Variants in CACNA1C observed in about 807,000 individuals in gnomAD.
CACNA1C encodes the protein voltage-dependent L-type calcium channel subunit alpha-1C.
A neutral mutation model predicts 229.0 loss-of-function variants in CACNA1C; 30 were observed. The observed-to-expected ratio is 0.13, with a 90% CI of 0.10 to 0.18. The LOEUF is 0.18. CACNA1C is among the 10% of genes least tolerant of loss of function. The pLI is 1.00. For synonymous variants in CACNA1C, 1,114 were observed against 1,132.5 expected (o/e 0.98, Z 0.33); for missense variants, 1,658 against 2,845.0 (o/e 0.58, Z 9.49).
chr12:2,123,265 A>G (rs978024528), intron 3 of CACNA1C, among the ~76,000 whole-genome samples: 6 of 150,954 alleles, frequency 4.0e-5, no homozygotes, highest in Non-Finnish European at 7.4e-5. Context: ...AGTCCCAGCT[A>G]CTCAGGAGGC....
intron 1 of CACNA1C, among the ~76,000 whole-genome samples, chr12:2,032,184 TC>T (rs1273950633): frequency 1.3e-5 from 2 of 152,024 alleles, no homozygotes; most frequent in Non-Finnish European, 2.9e-5. Flanking sequence ...TTGGAGGAGT[TC>T]CTGTGGTCCC....
chr12:2,509,678 A>G (rs2099779323), intron 8 of CACNA1C, among the ~76,000 whole-genome samples: 1 of 152,164 alleles, frequency 6.6e-6, no homozygotes, highest in Non-Finnish European at 1.5e-5. Context: ...CTTCAGCATT[A>G]TGCTTGGGGC....
At chr12:1,988,084 T>C (rs951893382) in intron 1 of CACNA1C, among the ~76,000 whole-genome samples, 1 of 152,170 alleles carries the variant, frequency 6.6e-6, no homozygotes, top group South Asian at 2.1e-4. Flanking sequence ...CTCTGGGAGA[T>C]TCCCTTCTTC....
intron 1 of CACNA1C, among the ~76,000 whole-genome samples, chr12:2,110,052 GA>G (rs889499694): frequency 1.3e-4 from 20 of 151,418 alleles, no homozygotes; most frequent in Admixed American, 3.9e-4. Flanking sequence ...ATGGATTAAA[GA>G]AAAAAAAATT....
chr12:2,655,299 G>T, intron 34 of CACNA1C, 61 bp downstream of exon 34: 1 of 1,038,398 alleles, frequency 9.6e-7, no homozygotes, highest in Non-Finnish European at 1.5e-6. Context: ...CCACACTGTG[G>T]CCTGGTGGTA....
chr12:2,012,390 C>A (rs2044596543), intron 1 of CACNA1C, among the ~76,000 whole-genome samples: 1 of 152,226 alleles, frequency 6.6e-6, no homozygotes, highest in Non-Finnish European at 1.5e-5. Flanking sequence ...CACAGCCATG[C>A]TCACTGGATT....
At chr12:2,577,291 A>G (rs1219515147) in intron 13 of CACNA1C, among the ~76,000 whole-genome samples, 2 of 152,296 alleles carry the variant, frequency 1.3e-5, no homozygotes, top group African/African-American at 4.8e-5. Flanking sequence ...GGCTGGTGCC[A>G]ATTCATCTTT....
At chr12:2,589,792 T>G (rs112699940) in intron 18 of CACNA1C, among the ~76,000 whole-genome samples, 3 of 145,186 alleles carry the variant, frequency 2.1e-5, no homozygotes, top group Non-Finnish European at 3.2e-5. Flanking sequence ...GATGGCAGCT[T>G]GGACAGGGGA....
At chr12:2,404,652 G>C (rs2098715945) in intron 3 of CACNA1C, among the ~76,000 whole-genome samples, 1 of 152,106 alleles carries the variant, frequency 6.6e-6, no homozygotes, top group Admixed American at 6.6e-5. Flanking sequence ...GATGCATGGG[G>C]GGCCCTGGGT....
At chr12:2,562,345 T>C (rs1277798402) in intron 11 of CACNA1C, among the ~76,000 whole-genome samples, 1 of 152,250 alleles carries the variant, frequency 6.6e-6, no homozygotes, top group Non-Finnish European at 1.5e-5. Context: ...CCTTGGACTC[T>C]GAATAACAAT....
At position 2,356,485 on chromosome 12, in the gene CACNA1C, T is replaced by C. The variant is rs145208538; in HGVS notation, c.478-92491T>C. 8.1e-3 allele frequency among the ~76,000 whole-genome samples: 1,235 copies of C among 152,314 alleles called. 30 individuals carry two copies. Among genetic ancestry groups the C allele is most frequent in the African/African-American group, 0.028 (1,171 of 41,574 alleles). The stretch of plus-strand genomic sequence containing the variant: ...AGAAGATGCTCCCATCTGAACTGTA[T>C]GCCCAGGAAAGGGGGCAGGCAGGCG... On this transcript the variant is annotated intron_variant, in intron 3 of 46. Transcript: ENST00000399655.
chr12:2,187,592 C>T (rs1158714394), intron 3 of CACNA1C, among the ~76,000 whole-genome samples: 1 of 152,218 alleles, frequency 6.6e-6, no homozygotes, highest in Non-Finnish European at 1.5e-5. Context: ...AAAGCTGATT[C>T]TTCCAGGCAA....
At chr12:2,680,084 G>A (rs2153806141) in intron 42 of CACNA1C, among the ~76,000 whole-genome samples, 1 of 152,320 alleles carries the variant, frequency 6.6e-6, no homozygotes, top group East Asian at 1.9e-4. Context: ...GTGATCATCA[G>A]ATGTTTGTGT....
At chr12:2,359,959 G>C (rs2097509251) in intron 3 of CACNA1C, among the ~76,000 whole-genome samples, 1 of 152,074 alleles carries the variant, frequency 6.6e-6, no homozygotes, top group African/African-American at 2.4e-5. Context: ...GACGGTGGTA[G>C]GGATTTCTGT....
chr12:2,150,262 C>T (rs1484659057), intron 3 of CACNA1C, among the ~76,000 whole-genome samples: 1 of 152,172 alleles, frequency 6.6e-6, no homozygotes, highest in Admixed American at 6.5e-5. Flanking sequence ...GGGTCTTGTC[C>T]TTGGTCTCTA....
intron 1 of CACNA1C, among the ~76,000 whole-genome samples, chr12:2,112,558 G>A (rs1200247948): frequency 1.3e-5 from 2 of 152,106 alleles, no homozygotes; most frequent in South Asian, 2.1e-4. Flanking sequence ...TGAACTGGGT[G>A]TGGCAGAGAG....
intron 30 of CACNA1C, among the ~76,000 whole-genome samples, chr12:2,643,128 G>A (rs975725083): frequency 6.6e-6 from 1 of 152,230 alleles, no homozygotes; most frequent in Admixed American, 6.5e-5. Context: ...CTCGAGGGGA[G>A]TTCTGAAGGG....
At chr12:2,439,243 C>G (rs890204988) in intron 3 of CACNA1C, among the ~76,000 whole-genome samples, 4 of 152,208 alleles carry the variant, frequency 2.6e-5, no homozygotes, top group African/African-American at 9.6e-5. Flanking sequence ...TGGGCTTCCT[C>G]TCAACTCCAA....
chr12:2,459,169 GTTTT>G (rs59909090), intron 5 of CACNA1C, among the ~76,000 whole-genome samples: 16 of 109,416 alleles, frequency 1.5e-4, no homozygotes, highest in African/African-American at 4.8e-4. Flanking sequence ...TTTTGTGTGT[GTTTT>G]TTTTTTTTTT....
Sources: gnomAD v4.1 joint callset for allele counts (sites outside exome capture counted in the v4.1 genomes callset) on GRCh38, gnomAD v4.1.1 for gene constraint, MANE v1.5 for transcripts, NCBI Gene and HGNC (gene_info 2026-07-23, HGNC 2026-07-21) for gene names.